The following ZNF292 variants were observed in gnomAD, a reference collection of about 807,000 sequenced individuals.
ZNF292 encodes zinc finger protein 292, also known as 16 zinc-finger domain protein.
ZNF292 carries 26 observed loss-of-function variants against 217.9 expected under a neutral mutation model. The ratio of observed to expected loss-of-function variants is 0.12; its 90% confidence interval spans 0.09 to 0.17. The LOEUF is 0.17. ZNF292 is among the 10% of genes least tolerant of loss of function. ZNF292 has a pLI of 1.00. For missense variants in ZNF292, 2,904 were observed against 3,175.2 expected, an observed-to-expected ratio of 0.91 and a Z score of 2.05; for synonymous variants, 1,257 against 1,124.1, an observed-to-expected ratio of 1.12 and a Z score of -2.37.
At chr6:87,249,836 A>G (rs888073050) in intron 7 of ZNF292, among the ~76,000 whole-genome samples, 2 of 152,080 alleles carry the variant, frequency 1.3e-5, no homozygotes, top group Admixed American at 1.3e-4. Flanking sequence ...CAGCCTCTTG[A>G]GTAGCCAGGA....
intron 1 of ZNF292, among the ~76,000 whole-genome samples, chr6:87,182,242 T>C (rs6904310): frequency 0.63 from 95,286 of 152,058 alleles, 31,345 homozygotes; most frequent in African/African-American, 0.83. Context: ...ATGGTTGAGC[T>C]GAGAGAATGG....
At chr6:87,180,773 C>G (rs538542487) in intron 1 of ZNF292, among the ~76,000 whole-genome samples, 1 of 152,304 alleles carries the variant, frequency 6.6e-6, no homozygotes, top group East Asian at 1.9e-4. Context: ...TGGGGACCCT[C>G]TTCTAAGTTT....
intron 4 of ZNF292, among the ~76,000 whole-genome samples, chr6:87,230,659 G>C (rs959570624): frequency 6.6e-6 from 1 of 151,800 alleles, no homozygotes; most frequent in Admixed American, 6.6e-5. Context: ...GCATGAACCC[G>C]GGAGGCAGAG....
intron 1 of ZNF292, among the ~76,000 whole-genome samples, chr6:87,184,401 A>G (rs1582392613): frequency 6.6e-6 from 1 of 150,510 alleles, no homozygotes; most frequent in South Asian, 2.1e-4. Context: ...TCACATCACC[A>G]GTAATAATTA....
chr6:87,246,935 A>C (rs1204247046), intron 7 of ZNF292, among the ~76,000 whole-genome samples: 1 of 152,204 alleles, frequency 6.6e-6, no homozygotes, highest in African/African-American at 2.4e-5. Flanking sequence ...CGGGTGGATC[A>C]CATAAGCCCA....
intron 6 of ZNF292, among the ~76,000 whole-genome samples, chr6:87,244,968 C>G (rs1187992424): frequency 6.6e-6 from 1 of 152,132 alleles, no homozygotes; most frequent in Non-Finnish European, 1.5e-5. Context: ...TGGCCGGGCA[C>G]AGTGGCTCAT....
intron 1 of ZNF292, among the ~76,000 whole-genome samples, chr6:87,178,459 G>A (rs1771370628): frequency 6.6e-6 from 1 of 152,118 alleles, no homozygotes; most frequent in African/African-American, 2.4e-5. Context: ...TCAGGGCAAG[G>A]ATTCAGTTTG....
intron 1 of ZNF292, among the ~76,000 whole-genome samples, chr6:87,198,088 A>T (rs1453743312): frequency 1.3e-5 from 2 of 152,186 alleles, no homozygotes; most frequent in African/African-American, 4.8e-5. Context: ...AGTTGGAGAG[A>T]AAATTCAGAT....
intron 1 of ZNF292, among the ~76,000 whole-genome samples, chr6:87,206,574 A>G (rs952660332): frequency 6.6e-6 from 1 of 152,206 alleles, no homozygotes; most frequent in South Asian, 2.1e-4. Context: ...CAACACAATC[A>G]TCACACTCAG....
At chr6:87,181,562 T>C (rs777788837) in intron 1 of ZNF292, among the ~76,000 whole-genome samples, 3 of 152,200 alleles carry the variant, frequency 2.0e-5, no homozygotes, top group Non-Finnish European at 4.4e-5. Flanking sequence ...GGGCCACTGG[T>C]CTTCAGACTT....
In ZNF292 at chr6:87,256,637, A is replaced by T; in HGVS notation, c.3008A>T (p.Asn1003Ile). ...TTTAATGATGCCCATGTTACTCAGAATTCTTTAGTAAATTCAGAAACTCTC... is the reference window on the plus strand; with the variant it reads ...TTTAATGATGCCCATGTTACTCAGATTTCTTTAGTAAATTCAGAAACTCTC... ...DCFNDAHVTQNSLVNSETLKI... is the reference protein window; with the variant it reads ...DCFNDAHVTQISLVNSETLKI... Residue 1003 changes from asparagine (N) to isoleucine (I), a missense_variant, in exon 8 of 8, where the codon AAT (asparagine) becomes ATT (isoleucine). Around this residue, in one of 15 missense-constraint regions of ZNF292, gnomAD observed 687 missense variants for 623.0 expected, o/e 1.10. Transcript: ENST00000369577. 6.2e-7 allele frequency: 1 copy of T among 1,613,660 alleles called. No homozygotes were observed. The highest frequency in any genetic ancestry group is 8.5e-7 in the Non-Finnish European group (1 of 1,179,812).
Position 87,260,457 on chromosome 6 carries a change from C to T in ZNF292, c.6828C>T (p.His2276=). ...CAACCCGGTCGAATCTCCTCCGACACATTTTTAATAAGCATAATGACAAAC... is the reference window on the plus strand; with the variant it reads ...CAACCCGGTCGAATCTCCTCCGACATATTTTTAATAAGCATAATGACAAAC... ...IYATRSNLLR[H]IFNKHNDKHK... is the part of the protein sequence containing the mutation. Residue 2276 remains histidine, a synonymous_variant, in exon 8 of 8, where the codon CAC becomes CAT. Transcript: ENST00000369577. 1 of 1,613,584 alleles carries T rather than the reference C, an allele frequency of 6.2e-7. No homozygotes were observed.
chr6:87,216,335 G>A lies in ZNF292; in HGVS notation c.360G>A (p.Glu120=). The A allele has an allele frequency of 6.3e-7, 1 of 1,586,958 alleles. No individual in the cohort carries two copies. Among genetic ancestry groups the A allele is most frequent in the South Asian group, 1.1e-5 (1 of 87,234 alleles). Residue 120 remains glutamate, a synonymous_variant, in exon 3 of 8, where the codon GAG becomes GAA. Coordinates refer to ENST00000369577, the MANE Select transcript of ZNF292 (RefSeq NM_015021.3). ...AACTTTTACTGTGTCTGCCTGTTGA[G>A]TTATCAGATAAACAGTGGGAACAAT... The part of the protein sequence containing the change: ...CVELLLCLPV[E]LSDKQWEQFQ...
Position 87,258,160 on chromosome 6 carries a change from C to A in ZNF292, c.4531C>A (p.His1511Asn). 2.5e-6 allele frequency: 4 copies of A among 1,611,854 alleles called. No homozygotes were observed. Among genetic ancestry groups the A allele is most frequent in the Non-Finnish European group, 3.4e-6 (4 of 1,179,068 alleles). ...ATTTGAGGGTGCCGAAATGCTTTCTCATGTTTCAACAGGTTGTGTCTCTGA... is the reference window on the plus strand; with the variant it reads ...ATTTGAGGGTGCCGAAATGCTTTCTAATGTTTCAACAGGTTGTGTCTCTGA... ...STFEGAEMLSHVSTGCVSDAS... is the reference protein window; with the variant it reads ...STFEGAEMLSNVSTGCVSDAS... The change falls in exon 8 of 8, where the codon CAT becomes AAT. Residue 1511 changes from histidine (H) to asparagine (N), a missense_variant. His to Asn is a moderately conservative substitution (Grantham distance 68). Transcript: ENST00000369577.
At chr6:87,164,950 A>G (rs1476078877) in intron 1 of ZNF292, among the ~76,000 whole-genome samples, 1 of 142,216 alleles carries the variant, frequency 7.0e-6, no homozygotes, top group African/African-American at 2.6e-5. Flanking sequence ...TTTTGGTAAG[A>G]GATGGGGTTT....
chr6:87,255,484 A>G lies in ZNF292; in HGVS notation c.1855A>G (p.Asn619Asp). 6.2e-7 allele frequency: 1 copy of G among 1,613,578 alleles called. No individual in the cohort carries two copies. Among genetic ancestry groups the G allele is most frequent in the Non-Finnish European group, 8.5e-7 (1 of 1,179,732 alleles). Residue 619 changes from asparagine to aspartate, a missense_variant, in exon 8 of 8, where the codon AAT becomes GAT. Physicochemically the swap from Asn to Asp is conservative, Grantham distance 23. Coordinates refer to ENST00000369577, the MANE Select transcript of ZNF292 (RefSeq NM_015021.3). ...LGRPPKITTTNENQKTNTVAK... is the reference protein window; with the variant it reads ...LGRPPKITTTDENQKTNTVAK... ...AAGGCCTCCAAAGATCACAACTACCAATGAAAATCAGAAGACTAATACTGT... is the reference window on the plus strand; with the variant it reads ...AAGGCCTCCAAAGATCACAACTACCGATGAAAATCAGAAGACTAATACTGT...
intron 1 of ZNF292, among the ~76,000 whole-genome samples, chr6:87,171,219 G>C (rs1259533184): frequency 6.6e-6 from 1 of 152,140 alleles, no homozygotes; most frequent in South Asian, 2.1e-4. Context: ...CAGGAGATTA[G>C]TGGCTTTATA....
At position 87,255,538 on chromosome 6, in the gene ZNF292, A is replaced by G; in HGVS notation, c.1909A>G (p.Lys637Glu). The change falls in exon 8 of 8, where the codon AAG becomes GAG. Residue 637 changes from lysine to glutamate, a missense_variant. Transcript: ENST00000369577. ...VAKQEQRPIKKNSLYSTDFIV... is the reference protein window; with the variant it reads ...VAKQEQRPIKENSLYSTDFIV... Reference sequence around the variant, plus strand: ...TAAACAGGAGCAGCGACCTATAAAAAAGAATAGTCTCTATTCAACAGATTT... The same window carrying G: ...TAAACAGGAGCAGCGACCTATAAAAGAGAATAGTCTCTATTCAACAGATTT... 6.2e-7 allele frequency: 1 copy of G among 1,612,196 alleles called. No homozygotes were observed. Among genetic ancestry groups the G allele is most frequent in the Non-Finnish European group, 8.5e-7 (1 of 1,178,962 alleles).
intron 5 of ZNF292, among the ~76,000 whole-genome samples, chr6:87,242,569 T>G (rs1372584286): frequency 6.6e-6 from 1 of 152,232 alleles, no homozygotes; most frequent in African/African-American, 2.4e-5. Context: ...GTCTCTGTGG[T>G]ACGTGAGTGC....
Sources: allele counts gnomAD v4.1 joint callset (sites outside exome capture counted in the v4.1 genomes callset), GRCh38; gene constraint gnomAD v4.1.1; regional missense constraint gnomAD v4.1.1; transcripts MANE v1.5; gene names NCBI Gene and HGNC (gene_info 2026-07-23, HGNC 2026-07-21).